Variants in LOC400499 observed in about 807,000 individuals in gnomAD.
chr16:11,437,461 T>C, the LOC400499 span, among the ~76,000 whole-genome samples: 2 of 152,076 alleles, frequency 1.3e-5, no homozygotes, highest in Non-Finnish European at 2.9e-5. Context: ...CAGAAGGCTG[T>C]GGTGAAAGGA....
the LOC400499 span, among the ~76,000 whole-genome samples, chr16:11,441,630 G>A: frequency 2.4e-5 from 1 of 41,268 alleles, no homozygotes; most frequent in Non-Finnish European, 5.4e-5. Context: ...TTGAGATGAG[G>A]AGATTATCTG....
At chr16:11,522,082 G>C in the LOC400499 span, 1 of 398,320 alleles carries the variant, frequency 2.5e-6, no homozygotes, top group Non-Finnish European at 4.4e-6. Flanking sequence ...GGTGTATCTG[G>C]TGCCCACAGG....
At chr16:11,448,017 A>T in the LOC400499 span, 1 of 1,536,002 alleles carries the variant, frequency 6.5e-7, no homozygotes, top group Non-Finnish European at 8.7e-7. Context: ...GCAGGCCCCG[A>T]GGCTGGCCCT....
the LOC400499 span, among the ~76,000 whole-genome samples, chr16:11,448,515 AAAACAAAC>A: frequency 0.3 from 16,685 of 55,916 alleles, 1,025 homozygotes; most frequent in Non-Finnish European, 0.39. Context: ...CGTGTCTGCT[AAAACAAAC>A]AAACAAACAA....
At chr16:11,422,435 CGGAACGGAAAGGAAA>C in the LOC400499 span, among the ~76,000 whole-genome samples, 1 of 150,472 alleles carries the variant, frequency 6.6e-6, no homozygotes, top group African/African-American at 2.5e-5. Context: ...AGGAACAGAA[CGGAACGGAAAGGAAA>C]GGAAAGGAAA....
the LOC400499 span, among the ~76,000 whole-genome samples, chr16:11,468,803 T>G: frequency 6.6e-6 from 1 of 152,242 alleles, no homozygotes; most frequent in African/African-American, 2.4e-5. Context: ...AATTTTTGTA[T>G]TTTTATCAGA....
chr16:11,501,089 T>G, the LOC400499 span: 3 of 369,572 alleles, frequency 8.1e-6, no homozygotes, highest in Non-Finnish European at 9.3e-6. Context: ...CCCTCACACC[T>G]TGGGAGGGGC....
the LOC400499 span, chr16:11,435,849 G>A: frequency 1.3e-5 from 5 of 399,142 alleles, no homozygotes; most frequent in East Asian, 3.6e-5. Flanking sequence ...TTGAGGCTGC[G>A]CACTCTGTAG....
At chr16:11,441,647 C>T in the LOC400499 span, among the ~76,000 whole-genome samples, 1 of 151,948 alleles carries the variant, frequency 6.6e-6, no homozygotes, top group Non-Finnish European at 1.5e-5. Flanking sequence ...TCTGGGTGGC[C>T]CTAAAGTAAT....
chr16:11,485,569 G>A, the LOC400499 span, among the ~76,000 whole-genome samples: 29 of 152,026 alleles, frequency 1.9e-4, no homozygotes, highest in African/African-American at 6.3e-4. Flanking sequence ...GCCCGTCCGC[G>A]CACCCCTCTC....
chr16:11,493,410 G>C, the LOC400499 span, among the ~76,000 whole-genome samples: 2 of 152,210 alleles, frequency 1.3e-5, no homozygotes, highest in African/African-American at 4.8e-5. Flanking sequence ...CCCTGTACTA[G>C]AGGGGGCACA....
At chr16:11,390,466 G>A in the LOC400499 span, 29 of 1,239,088 alleles carry the variant, frequency 2.3e-5, no homozygotes, top group Non-Finnish European at 2.8e-5. Context: ...CAGGGGCCCT[G>A]CAACAGGCAG....
the LOC400499 span, among the ~76,000 whole-genome samples, chr16:11,389,685 C>CA: frequency 0.017 from 982 of 58,886 alleles, 36 homozygotes; most frequent in African/African-American, 0.036. Flanking sequence ...AACTCCATCT[C>CA]AAAAAAAAAA....
chr16:11,413,885 C>T, the LOC400499 span, among the ~76,000 whole-genome samples: 22,999 of 152,090 alleles, frequency 0.15, 2,290 homozygotes, highest in African/African-American at 0.29. Context: ...AAGGAATTTG[C>T]CCAAGGCCAC....
the LOC400499 span, among the ~76,000 whole-genome samples, chr16:11,526,990 G>A: frequency 6.6e-6 from 1 of 152,190 alleles, no homozygotes; most frequent in African/African-American, 2.4e-5. Flanking sequence ...AAAACAAAAG[G>A]TGGCAGCGGA....
chr16:11,496,610 C>T, the LOC400499 span, among the ~76,000 whole-genome samples: 14 of 152,224 alleles, frequency 9.2e-5, no homozygotes, highest in African/African-American at 3.1e-4. Context: ...CACACGTGTC[C>T]CCATGTGGGC....
the LOC400499 span, among the ~76,000 whole-genome samples, chr16:11,440,067 T>C: frequency 6.6e-6 from 1 of 152,026 alleles, no homozygotes; most frequent in Non-Finnish European, 1.5e-5. Flanking sequence ...CTTGAACTTA[T>C]ATAACACTAA....
the LOC400499 span, chr16:11,439,395 G>C: frequency 2.5e-6 from 1 of 397,790 alleles, no homozygotes; most frequent in Middle Eastern, 6.3e-4. Flanking sequence ...CCCCCATCCT[G>C]CCTTCTTTCT....
chr16:11,424,512 C>G, the LOC400499 span, among the ~76,000 whole-genome samples: 1 of 152,242 alleles, frequency 6.6e-6, no homozygotes, highest in East Asian at 1.9e-4. Flanking sequence ...ACCCAATACA[C>G]CAGGTTAAAC....
Sources: allele counts gnomAD v4.1 joint callset (sites outside exome capture counted in the v4.1 genomes callset), GRCh38; gene constraint gnomAD v4.1.1; transcripts MANE v1.5.